PINX1: variants seen among roughly 807,000 people sequenced by gnomAD.
PINX1 encodes the protein PIN2 (TERF1) interacting telomerase inhibitor 1, also known as PIN2/TERF1-interacting telomerase inhibitor 1.
Under a neutral mutation model 25.4 loss-of-function variants are expected in PINX1, and 34 were observed. The ratio of observed to expected loss-of-function variants is 1.34; its 90% CI spans 1.02 to 1.78. The LOEUF (loss-of-function observed/expected upper bound fraction) is 1.78. Among genes scored for constraint, PINX1 ranks in the 40% most tolerant of loss-of-function variants. The pLI is 0.00. For missense variants in PINX1, 592 were observed against 404.9 expected (o/e 1.46, Z -3.97); for synonymous variants, 197 against 147.7 (o/e 1.33, Z -2.42).
chr8:10,804,739 G>A (rs919211596), intron 6 of PINX1, among the ~76,000 whole-genome samples: 1 of 141,580 alleles, frequency 7.1e-6, no homozygotes, highest in African/African-American at 2.6e-5. Context: ...GCAGGCCCTG[G>A]TAATGTCAAA....
intron 1 of PINX1, among the ~76,000 whole-genome samples, chr8:10,835,203 C>T (rs1229977722): frequency 1.3e-5 from 2 of 152,150 alleles, no homozygotes; most frequent in African/African-American, 4.8e-5. Context: ...ACCAAGGATG[C>T]GCTTAAAATA....
chr8:10,791,185 G>A (rs564215102), intron 6 of PINX1, among the ~76,000 whole-genome samples: 20 of 152,292 alleles, frequency 1.3e-4, no homozygotes, highest in African/African-American at 4.6e-4. Flanking sequence ...GTGCTGGGAT[G>A]ACAGGCATGA....
intron 4 of PINX1, among the ~76,000 whole-genome samples, chr8:10,829,050 G>A (rs1226988060): frequency 2.6e-5 from 4 of 152,164 alleles, no homozygotes; most frequent in Non-Finnish European, 2.9e-5. Flanking sequence ...CACCTTGAGA[G>A]GCTGAGGTGG....
At chr8:10,777,378 C>T (rs1801427143) in intron 6 of PINX1, among the ~76,000 whole-genome samples, 1 of 152,212 alleles carries the variant, frequency 6.6e-6, no homozygotes. Context: ...CGGGAGATGG[C>T]CAGTTTATGT....
At chr8:10,799,535 G>C (rs1802198483) in intron 6 of PINX1, among the ~76,000 whole-genome samples, 1 of 152,166 alleles carries the variant, frequency 6.6e-6, no homozygotes, top group African/African-American at 2.4e-5. Flanking sequence ...GGCTTATGGA[G>C]GTCCAACTTC....
intron 6 of PINX1, among the ~76,000 whole-genome samples, chr8:10,794,899 G>A (rs1234093220): frequency 6.6e-6 from 1 of 152,164 alleles, no homozygotes; most frequent in Non-Finnish European, 1.5e-5. Context: ...TTTATCTACT[G>A]TATTTATTCA....
chr8:10,772,593 C>T (rs1318715352), intron 6 of PINX1, among the ~76,000 whole-genome samples: 2 of 152,228 alleles, frequency 1.3e-5, no homozygotes, highest in African/African-American at 2.4e-5. Flanking sequence ...GCTAAACGCA[C>T]CAAGTCTCGG....
chr8:10,775,617 C>T (rs1296947947), intron 6 of PINX1, among the ~76,000 whole-genome samples: 1 of 152,132 alleles, frequency 6.6e-6, no homozygotes, highest in South Asian at 2.1e-4. Context: ...TTTATCTTGT[C>T]TATGGACCAT....
chr8:10,835,793 A>T (rs1277617363), intron 1 of PINX1, among the ~76,000 whole-genome samples: 1 of 152,188 alleles, frequency 6.6e-6, no homozygotes, highest in Non-Finnish European at 1.5e-5. Flanking sequence ...AGGAAAGAAG[A>T]GGGAGAGGAA....
At chr8:10,776,402 G>GT (rs994828049) in intron 6 of PINX1, among the ~76,000 whole-genome samples, 1 of 151,332 alleles carries the variant, frequency 6.6e-6, no homozygotes, top group African/African-American at 2.4e-5. Context: ...TCCGGCCTGG[G>GT]TAACAGAGTG....
At chr8:10,789,457 T>C (rs1329682300) in intron 6 of PINX1, among the ~76,000 whole-genome samples, 1 of 152,322 alleles carries the variant, frequency 6.6e-6, no homozygotes, top group Middle Eastern at 3.4e-3. Context: ...TCTAATCTAT[T>C]AGCAAATTTC....
At chr8:10,791,211 C>G (rs1801912484) in intron 6 of PINX1, among the ~76,000 whole-genome samples, 1 of 152,190 alleles carries the variant, frequency 6.6e-6, no homozygotes, top group African/African-American at 2.4e-5. Context: ...CATGCCCAGC[C>G]AAAATCCCCC....
At chr8:10,786,574 G>A (rs990906719) in intron 6 of PINX1, among the ~76,000 whole-genome samples, 1 of 152,174 alleles carries the variant, frequency 6.6e-6, no homozygotes, top group East Asian at 1.9e-4. Flanking sequence ...CTACGCCCCA[G>A]AAGGGCTCAC....
intron 6 of PINX1, among the ~76,000 whole-genome samples, chr8:10,809,867 C>G (rs1160790873): frequency 6.6e-6 from 1 of 152,202 alleles, no homozygotes; most frequent in Admixed American, 6.5e-5. Context: ...TAAAGAAATA[C>G]GTGAGGCTGG....
intron 6 of PINX1, among the ~76,000 whole-genome samples, chr8:10,766,378 T>C (rs1801046939): frequency 6.6e-6 from 1 of 152,184 alleles, no homozygotes; most frequent in South Asian, 2.1e-4. Context: ...CCTGTGTTGA[T>C]CTAGAAACTT....
chr8:10,831,535 A>C, intron 4 of PINX1, 130 bp downstream of exon 4: 1 of 651,218 alleles, frequency 1.5e-6, no homozygotes. Flanking sequence ...AATTGTGCAC[A>C]GGTATTGACA....
At chr8:10,795,566 A>G (rs1382499725) in intron 6 of PINX1, among the ~76,000 whole-genome samples, 1 of 152,160 alleles carries the variant, frequency 6.6e-6, no homozygotes, top group Non-Finnish European at 1.5e-5. Context: ...ATGCCTGGCT[A>G]ATTTTTGTAT....
chr8:10,773,494 C>G (rs551325574), intron 6 of PINX1, among the ~76,000 whole-genome samples: 1 of 152,146 alleles, frequency 6.6e-6, no homozygotes, highest in Non-Finnish European at 1.5e-5. Context: ...ATCAGAACTC[C>G]GCTTGGAAGT....
chr8:10,770,697 G>A (rs1801196379), intron 6 of PINX1, among the ~76,000 whole-genome samples: 2 of 152,200 alleles, frequency 1.3e-5, no homozygotes, highest in African/African-American at 2.4e-5. Flanking sequence ...GCAAGGAAAT[G>A]AAGCAGTTTG....
Sources: gnomAD v4.1 joint callset for allele counts (sites outside exome capture counted in the v4.1 genomes callset) on GRCh38, gnomAD v4.1.1 for gene constraint, MANE v1.5 for transcripts, NCBI Gene and HGNC (gene_info 2026-07-23, HGNC 2026-07-21) for gene names.